Variants in CROCC2 observed in about 807,000 individuals in gnomAD.
CROCC2 encodes the protein ciliary rootlet coiled-coil protein 2.
Under a neutral mutation model 177.6 loss-of-function variants are expected in CROCC2, and 163 were observed. That is an observed-to-expected ratio of 0.92 (90% CI 0.81 to 1.05). CROCC2 has a LOEUF of 1.05. Ranked by LOEUF, CROCC2 falls within the 50% of genes least tolerant of loss-of-function variation. The pLI is 0.00. For missense variants in CROCC2, 1,929 were observed against 1,797.8 expected (o/e 1.07, Z -1.32); for synonymous variants, 904 against 787.3 (o/e 1.15, Z -2.48).
At chr2:240,937,837 C>T (rs564975736) in intron 14 of CROCC2, among the ~76,000 whole-genome samples, 4 of 152,256 alleles carry the variant, frequency 2.6e-5, no homozygotes, top group Admixed American at 2.0e-4. Flanking sequence ...CCAGATTTCT[C>T]CCTTGCTGTT....
chr2:240,963,444 G>C, intron 20 of CROCC2, 112 bp from the exon 21 acceptor site: 2 of 1,159,850 alleles, frequency 1.7e-6, no homozygotes, highest in Admixed American at 2.9e-5. Context: ...TGGGGACCAA[G>C]TTGGGCAGGG....
At chr2:240,935,272 GC>G in intron 13 of CROCC2, 85 bp from the exon 14 acceptor site, 1 of 1,263,560 alleles carries the variant, frequency 7.9e-7, no homozygotes. Flanking sequence ...GGAAGACAGT[GC>G]CCCGGGGCAG....
rs890939171 is a variant in CROCC2 at position 240,967,389 on chromosome 2, C to T, written c.4191C>T (p.Ser1397=). 4.5e-5 allele frequency: 38 copies of T among 846,756 alleles called. No homozygotes were observed. Among genetic ancestry groups the T allele is most frequent in the African/African-American group, 6.7e-5 (4 of 59,662 alleles). The allele number at this position is 846,756 out of a possible 1,614,324, so 52.5% of individuals were successfully genotyped here. Residue 1397 remains serine, a synonymous_variant, in exon 26 of 32, where the codon AGC becomes AGT. Coordinates refer to ENST00000690015, the MANE Select transcript of CROCC2 (RefSeq NM_001351305.2). ...TGGCGACCCTGAGCAGCCGGCTGAG[C>T]GAGGCAGAGTGCAGGTGTGCCCGGG... ...IQMATLSSRL[S]EAECRCARAQ... is the part of the protein sequence containing the mutation.
intron 22 of CROCC2, among the ~76,000 whole-genome samples, chr2:240,964,958 G>A (rs1029015727): frequency 1.3e-4 from 20 of 152,212 alleles, no homozygotes; most frequent in African/African-American, 4.6e-4. Flanking sequence ...AACACCTTCC[G>A]GTGGCGCTCG....
chr2:240,983,925 G>A (rs74001746), intron 28 of CROCC2, among the ~76,000 whole-genome samples: 2,320 of 152,268 alleles, frequency 0.015, 65 homozygotes, highest in African/African-American at 0.052. Context: ...CCCCTCCCCA[G>A]GGGTGTGCCC....
chr2:240,912,642 G>A (rs2059295675), intron 1 of CROCC2, among the ~76,000 whole-genome samples: 1 of 152,210 alleles, frequency 6.6e-6, no homozygotes, highest in Non-Finnish European at 1.5e-5. Context: ...CTGTGGTTTA[G>A]GGTTTTTATG....
Position 240,973,615 on chromosome 2 carries a change from C to T in CROCC2, c.4401+5353C>T, listed in dbSNP as rs998216675. The stretch of plus-strand genomic sequence containing the variant: ...ACCCGCCTGTGGGGGCTCAACTCAG[C>T]GTCAGTCACAGGTTCTAAAAGTTTC... On this transcript the variant is annotated intron_variant, in intron 27 of 31. Transcript: ENST00000690015. The surrounding 1 kb of genome is among the most constrained non-coding windows in gnomAD (Gnocchi z 4.7). 3.3e-5 allele frequency among the ~76,000 whole-genome samples: 5 copies of T among 152,104 alleles called. No homozygotes were observed. The highest frequency in any genetic ancestry group is 5.9e-5 in the Non-Finnish European group (4 of 68,030).
chr2:240,926,325 T>C (rs1457221476), intron 5 of CROCC2, among the ~76,000 whole-genome samples: 1 of 152,172 alleles, frequency 6.6e-6, no homozygotes, highest in African/African-American at 2.4e-5. Context: ...TCTGAGACCC[T>C]GAGGCATGCA....
At chr2:240,987,781 C>G (rs1180570446) in intron 28 of CROCC2, among the ~76,000 whole-genome samples, 1 of 152,276 alleles carries the variant, frequency 6.6e-6, no homozygotes, top group Non-Finnish European at 1.5e-5. Flanking sequence ...ACAGCCCCAG[C>G]AGGCATGACC....
At chr2:240,909,292 T>TGGAGCTCGGCCAG (rs2059272496) in intron 1 of CROCC2, among the ~76,000 whole-genome samples, 1 of 142,962 alleles carries the variant, frequency 7.0e-6, no homozygotes, top group African/African-American at 2.8e-5. Flanking sequence ...CTCCTCCACC[T>TGGAGCTCGGCCAG]CGGGTGACCT....
intron 28 of CROCC2, among the ~76,000 whole-genome samples, chr2:240,986,448 G>A (rs911827135): frequency 2.6e-5 from 4 of 151,364 alleles, no homozygotes; most frequent in East Asian, 3.9e-4. Flanking sequence ...CAGAGTGGCC[G>A]CCAAGATCAA....
At chr2:240,968,351 C>T (rs955388833) in intron 27 of CROCC2, 89 bp downstream of exon 27, 14 of 1,392,630 alleles carry the variant, frequency 1.0e-5, no homozygotes, top group South Asian at 3.0e-5. Context: ...GCCACAGGGC[C>T]GGGAGGTGGG....
chr2:240,961,809 ACATACAC>A (rs2059638870), intron 20 of CROCC2, among the ~76,000 whole-genome samples: 1 of 62,758 alleles, frequency 1.6e-5, no homozygotes, highest in Non-Finnish European at 3.1e-5. Context: ...ACATACACTC[ACATACAC>A]TCACACACAC....
At position 240,949,063 on chromosome 2, in the gene CROCC2, C is replaced by G; in HGVS notation, c.2448C>G (p.Ala816=). ...TKLQEQLEEE[A]RSAGLARQAL... ...TGCAGGAGCAGCTGGAGGAGGAAGC[C>G]CGGAGCGCAGGACTCGCGCGGCAGG... The change falls in exon 16 of 32, where the codon GCC becomes GCG. Residue 816 remains alanine, a synonymous_variant. Coordinates refer to ENST00000690015, the MANE Select transcript of CROCC2 (RefSeq NM_001351305.2). The surrounding 1 kb of genome is among the most constrained non-coding windows in gnomAD (Gnocchi z 4.5). The G allele has an allele frequency of 6.5e-7, 1 of 1,548,582 alleles. No individual in the cohort carries two copies. Among genetic ancestry groups the G allele is most frequent in the African/African-American group, 1.4e-5 (1 of 73,072 alleles).
At chr2:240,923,387 C>T (rs563925134) in intron 4 of CROCC2, among the ~76,000 whole-genome samples, 7 of 151,860 alleles carry the variant, frequency 4.6e-5, no homozygotes, top group African/African-American at 1.7e-4. Context: ...ATGGAGCTGA[C>T]GATGTCATGC....
rs2059326662 is a variant in CROCC2 at position 240,917,226 on chromosome 2, A to G, written c.79-1500A>G. ...GCTGAGTGGCTGCCCTTTGCAGGGC[A>G]GCAGAGTCGGAATAGGGCCTCTCCA... On this transcript the variant is annotated intron_variant, in intron 1 of 31. Transcript: ENST00000690015. The surrounding 1 kb of genome is among the most constrained non-coding windows in gnomAD (Gnocchi z 4.9). Among the ~76,000 whole-genome samples, 1 of 144,960 alleles carries G rather than the reference A, an allele frequency of 6.9e-6. No individual in the cohort carries two copies. Among genetic ancestry groups the G allele is most frequent in the Admixed American group, 6.7e-5 (1 of 14,890 alleles).
At position 240,935,348 on chromosome 2, in the gene CROCC2, C is replaced by G. The variant is rs76066266; in HGVS notation, c.1939-10C>G. ...GGAGTGGATGCAGAGCCCCCGACAC[C>G]TGGTGGCAGCTGGAGCAGGAGCGGG... On this transcript the variant is annotated splice_polypyrimidine_tract_variant and intron_variant, in intron 13 of 31. Coordinates refer to ENST00000690015, the MANE Select transcript of CROCC2 (RefSeq NM_001351305.2). 7,148 of 1,354,742 alleles carry G rather than the reference C, an allele frequency of 5.3e-3. 19 individuals carry two copies. Among genetic ancestry groups the G allele is most frequent in the Non-Finnish European group, 6.0e-3 (6,315 of 1,047,386 alleles). The allele number at this position is 1,354,742 out of a possible 1,614,324, so 83.9% of individuals were successfully genotyped here.
At chr2:240,951,379 T>C (rs1260458193) in intron 18 of CROCC2, among the ~76,000 whole-genome samples, 1 of 150,696 alleles carries the variant, frequency 6.6e-6, no homozygotes, top group Non-Finnish European at 1.5e-5. Flanking sequence ...ATCCATACAC[T>C]CATCCACCCA....
chr2:240,938,828 G>A (rs367619564), intron 14 of CROCC2, among the ~76,000 whole-genome samples: 2 of 151,904 alleles, frequency 1.3e-5, no homozygotes, highest in African/African-American at 4.8e-5. Context: ...TTATATTACG[G>A]TTTTAATGTC....
Sources: gnomAD v4.1 joint callset for allele counts (sites outside exome capture counted in the v4.1 genomes callset) on GRCh38, gnomAD v4.1.1 for gene constraint, Gnocchi (gnomAD v3.1) non-coding constraint, MANE v1.5 for transcripts, NCBI Gene and HGNC (gene_info 2026-07-23, HGNC 2026-07-21) for gene names.